Variants in SZT2 observed in about 807,000 individuals in gnomAD.
SZT2 encodes SZT2 subunit of KICSTOR complex.
In SZT2, 216 loss-of-function variants were observed where a neutral mutation model predicts 404.2. The observed-to-expected ratio is 0.53, with a 90% confidence interval of 0.48 to 0.60. SZT2 has a LOEUF of 0.60. Ranked by LOEUF, SZT2 falls within the 20% of genes least tolerant of loss-of-function variation. The probability of loss-of-function intolerance (pLI) is 0.00; values close to 1 mark genes in which losing one functional copy is unlikely to be tolerated. For missense variants in SZT2, 3,857 were observed against 4,459.2 expected, an observed-to-expected ratio of 0.86 and a Z score of 3.85; for synonymous variants, 1,693 against 1,749.9, an observed-to-expected ratio of 0.97 and a Z score of 0.81.
chr1:43,420,821 C>A lies in SZT2; in HGVS notation c.1334C>A (p.Ala445Glu), dbSNP rs1357577737. ...ATGCGCATTGAGTATGTGGCTATGG[C>A]ACCCTGGCCCCTGGAGCCTGAGGGC... ...HNMRIEYVAM[A>E]PWPLEPEGPR... is the part of the protein sequence containing the mutation. The change falls in exon 10 of 72, where the codon GCA (alanine) becomes GAA (glutamate). Residue 445 changes from alanine to glutamate, a missense_variant. By Grantham distance (107) the Ala-to-Glu change is moderately radical. Around this residue, in one of 7 missense-constraint regions of SZT2, gnomAD observed 536 missense variants for 637.4 expected, o/e 0.84. Coordinates refer to ENST00000634258, the MANE Select transcript of SZT2 (RefSeq NM_001365999.1). This position sits in a 1 kb window ranked among gnomAD's most constrained non-coding sequence, Gnocchi z 5.1. The A allele has an allele frequency of 6.3e-7, 1 of 1,598,338 alleles. No individual in the cohort carries two copies. The highest frequency in any genetic ancestry group is 1.3e-5 in the African/African-American group (1 of 74,926).
rs551900440 is a variant in SZT2 at position 43,399,943 on chromosome 1, T to C, written c.28-3234T>C. Among the ~76,000 whole-genome samples, 3 of 151,986 alleles carry C rather than the reference T, an allele frequency of 2.0e-5. No homozygotes were observed. In the South Asian group the frequency reaches 6.2e-4, roughly 32 times the overall value. On this transcript the variant is annotated intron_variant, in intron 1 of 71. Transcript: ENST00000634258. ...GGTGTAATTTCATTTTATTATTATT[T>C]TTATTTATTTTTTGAGACAGAATCT...
chr1:43,444,774 C>T (rs982232639), intron 62 of SZT2, among the ~76,000 whole-genome samples: 1 of 152,200 alleles, frequency 6.6e-6, no homozygotes, highest in Admixed American at 6.5e-5. Context: ...CTGCCCTTTC[C>T]CAGTGGCTGT....
rs761791008 is a variant in SZT2 at position 43,439,587 on chromosome 1, C to G, written c.6878-18C>G. The stretch of plus-strand genomic sequence containing the variant: ...CTGCAAGTCCCAGAGCTGAGCCTTC[C>G]TATGGATTTCTACCCAGGGGTTGCC... On this transcript the variant is annotated intron_variant, in intron 49 of 71. Transcript: ENST00000634258. The surrounding 1 kb of genome is among the most constrained non-coding windows in gnomAD (Gnocchi z 4.2). 1.2e-6 allele frequency: 2 copies of G among 1,613,702 alleles called. No individual in the cohort carries two copies. The highest frequency in any genetic ancestry group is 3.3e-5 in the Admixed American group (2 of 59,964).
In SZT2 at chr1:43,453,309, G is replaced by T; in HGVS notation, c.*2829G>T. ...TGGGCTCAGACTTCTGAGCGTCTCA[G>T]ATCTGGCGTCCTCGACTCCCTGAAC... On this transcript the variant is annotated 3_prime_UTR_variant, in exon 72 of 72. Coordinates refer to ENST00000634258, the MANE Select transcript of SZT2 (RefSeq NM_001365999.1). 2.1e-6 allele frequency: 2 copies of T among 949,658 alleles called. No individual in the cohort carries two copies. The highest frequency in any genetic ancestry group is 2.4e-5 in the Admixed American group (1 of 41,560). The allele number at this position is 949,658 out of a possible 1,614,324, so 58.8% of individuals were successfully genotyped here.
chr1:43,450,157 C>T lies in SZT2; in HGVS notation c.10141C>T (p.His3381Tyr), dbSNP rs1396371872. The change falls in exon 71 of 72, where the codon CAC (histidine) becomes TAC (tyrosine). Residue 3381 changes from histidine (H) to tyrosine (Y), a missense_variant. Physicochemically the swap from His to Tyr is moderately conservative, Grantham distance 83. This residue lies in a region of SZT2 where 717 missense variants were observed against 868.2 expected (regional missense o/e 0.83). Transcript: ENST00000634258. The surrounding 1 kb of genome is among the most constrained non-coding windows in gnomAD (Gnocchi z 4.3). ...DCFVLVFLDS[H>Y]LGKTSLTVVF... ...CTTTGTGCTAGTGTTTCTGGACTCC[C>T]ACTTAGGAAAGACGGTAAGAACGAG... The T allele has an allele frequency of 6.2e-7, 1 of 1,613,984 alleles. No homozygotes were observed. The highest frequency in any genetic ancestry group is 1.7e-5 in the Admixed American group (1 of 60,006).
At position 43,437,477 on chromosome 1, in the gene SZT2, G is replaced by C; in HGVS notation, c.6259G>C (p.Glu2087Gln). Residue 2087 changes from glutamate to glutamine, a missense_variant, in exon 44 of 72, where the codon GAG (glutamate) becomes CAG (glutamine). Around this residue, in one of 7 missense-constraint regions of SZT2, gnomAD observed 261 missense variants for 372.9 expected, o/e 0.70. Coordinates refer to ENST00000634258, the MANE Select transcript of SZT2 (RefSeq NM_001365999.1). This position sits in a 1 kb window ranked among gnomAD's most constrained non-coding sequence, Gnocchi z 5.3. Reference protein sequence around the residue: ...VNRKNMFVYQERATKAVYYLR... With the variant: ...VNRKNMFVYQQRATKAVYYLR... ...CCGGAAAAACATGTTTGTTTACCAG[G>C]AGCGAGCAACAAAGGCTGTGTACTA... 6.2e-7 allele frequency: 1 copy of C among 1,614,154 alleles called. No individual in the cohort carries two copies. Among genetic ancestry groups the C allele is most frequent in the Non-Finnish European group, 8.5e-7 (1 of 1,180,036 alleles).
chr1:43,422,095 C>T lies in SZT2; in HGVS notation c.1639C>T (p.Gln547Ter). ...TTCCTGTCCTCAGGTGCTCTCCCTC[C>T]AGCCCAGTGGTTCTGACTCATCCCA... ...PGSTTPVLSL[Q>*]PSGSDSSHAQ... The change falls in exon 12 of 72, where the codon CAG becomes TAG. Residue 547 changes from glutamine to a stop codon, truncating the protein, a stop_gained. Transcript: ENST00000634258. LOFTEE classifies it high-confidence loss of function. 6.3e-7 allele frequency: 1 copy of T among 1,595,898 alleles called. No individual in the cohort carries two copies. The highest frequency in any genetic ancestry group is 8.5e-7 in the Non-Finnish European group (1 of 1,177,794).
rs752935310 is a variant in SZT2, at chr1:43,437,365, T to C, written c.6188-41T>C. ...AGAGGGCAGGTGAGCATTGGAAGGA[T>C]CTGGAAAAGGCAGTTTCCTGAGCCC... On this transcript the variant is annotated intron_variant, in intron 43 of 71. Coordinates refer to ENST00000634258, the MANE Select transcript of SZT2 (RefSeq NM_001365999.1). This position sits in a 1 kb window ranked among gnomAD's most constrained non-coding sequence, Gnocchi z 5.3. The C allele has an allele frequency of 6.2e-7, 1 of 1,613,974 alleles. No individual in the cohort carries two copies. The highest frequency in any genetic ancestry group is 8.5e-7 in the Non-Finnish European group (1 of 1,179,962).
chr1:43,428,544 A>G, intron 28 of SZT2, 58 bp downstream of exon 28: 1 of 1,578,950 alleles, frequency 6.3e-7, no homozygotes, highest in Non-Finnish European at 8.6e-7. Context: ...CCCTATAAAC[A>G]AGGACCTTCC....
Position 43,442,422 on chromosome 1 carries a change from C to G in SZT2, c.7975-20C>G. The stretch of plus-strand genomic sequence containing the variant: ...AAGAGGGGTTCCGTGATCTCACTGA[C>G]CCTGACCCCCGACCTCCAGCTACAG... On this transcript the variant is annotated intron_variant, in intron 57 of 71. Coordinates refer to ENST00000634258, the MANE Select transcript of SZT2 (RefSeq NM_001365999.1). The surrounding 1 kb of genome is among the most constrained non-coding windows in gnomAD (Gnocchi z 4.5). 6.2e-7 allele frequency: 1 copy of G among 1,612,124 alleles called. No homozygotes were observed. Among genetic ancestry groups the G allele is most frequent in the Non-Finnish European group, 8.5e-7 (1 of 1,178,736 alleles).
At position 43,442,679 on chromosome 1, in the gene SZT2, A is replaced by G; in HGVS notation, c.8151+61A>G. 2 of 1,538,128 alleles carry G rather than the reference A, an allele frequency of 1.3e-6. No individual in the cohort carries two copies. Among genetic ancestry groups the G allele is most frequent in the East Asian group, 2.3e-5 (1 of 44,196 alleles). On this transcript the variant is annotated intron_variant, in intron 58 of 71. Coordinates refer to ENST00000634258, the MANE Select transcript of SZT2 (RefSeq NM_001365999.1). The surrounding 1 kb of genome is among the most constrained non-coding windows in gnomAD (Gnocchi z 4.5). The stretch of plus-strand genomic sequence containing the variant: ...TACTGAGGGGTCAGTTAAAGGAAAA[A>G]CCAGCTCAGAAGCCAGAAAGATGGG...
rs1233125920 is a variant in SZT2, at chr1:43,420,180, A to G, written c.1118A>G (p.His373Arg). The stretch of plus-strand genomic sequence containing the variant: ...TCTCAGCACCGCCTATTTAATGAGC[A>G]CCTGGTCTCTGCAAGCAGCAACCCT... ...CGSQHRLFNE[H>R]LVSASSNPAL... Residue 373 changes from histidine (H) to arginine (R), a missense_variant, in exon 9 of 72, where the codon CAC (histidine) becomes CGC (arginine). By Grantham distance (29) the His-to-Arg change is conservative. Coordinates refer to ENST00000634258, the MANE Select transcript of SZT2 (RefSeq NM_001365999.1). This position sits in a 1 kb window ranked among gnomAD's most constrained non-coding sequence, Gnocchi z 5.1. 3.8e-6 allele frequency: 6 copies of G among 1,598,298 alleles called. No individual in the cohort carries two copies. The South Asian group carries it at 5.5e-5, about 15-fold the overall frequency.
intron 5 of SZT2, among the ~76,000 whole-genome samples, chr1:43,415,498 T>C (rs561108574): frequency 6.6e-6 from 1 of 152,328 alleles, no homozygotes; most frequent in East Asian, 1.9e-4. Context: ...TATGCGTGGC[T>C]TTGACCTCTA....
chr1:43,405,293 T>A (rs1160261903), intron 4 of SZT2: 4 of 152,338 alleles, frequency 2.6e-5, no homozygotes, highest in Non-Finnish European at 5.9e-5. Flanking sequence ...ATTACAGGCG[T>A]GAGCCACCGT....
Position 43,450,434 on chromosome 1 carries a change from C to CT in SZT2, c.10254dup (p.Val3419CysfsTer28). On this transcript the variant is annotated frameshift_variant, in exon 72 of 72. Coordinates refer to ENST00000634258, the MANE Select transcript of SZT2 (RefSeq NM_001365999.1). LOFTEE classifies it high-confidence loss of function. This position sits in a 1 kb window ranked among gnomAD's most constrained non-coding sequence, Gnocchi z 4.3. Reference sequence around the variant, plus strand: ...GTCTCCACCTACCACCACCTGGAGTCTGTCATCAACACAGCCTGTTTCACC... The same window carrying CT: ...GTCTCCACCTACCACCACCTGGAGTCTTGTCATCAACACAGCCTGTTTCACC... 6.2e-7 allele frequency: 1 copy of CT among 1,614,154 alleles called. No individual in the cohort carries two copies. Among genetic ancestry groups the CT allele is most frequent in the South Asian group, 1.1e-5 (1 of 91,080 alleles).
chr1:43,452,864 C>T lies in SZT2; in HGVS notation c.*2384C>T, dbSNP rs903901568. ...GATCTTAGCCACATCCAGCTCCAAG[C>T]AGACATTCCAGGCCTCCCCATCCCA... On this transcript the variant is annotated 3_prime_UTR_variant, in exon 72 of 72. Coordinates refer to ENST00000634258, the MANE Select transcript of SZT2 (RefSeq NM_001365999.1). The T allele has an allele frequency of 1.3e-6, 2 of 1,565,716 alleles. No individual in the cohort carries two copies. The highest frequency in any genetic ancestry group is 2.4e-5 in the South Asian group (2 of 84,922).
chr1:43,431,442 A>G lies in SZT2; in HGVS notation c.5025-18A>G, dbSNP rs779210622. On this transcript the variant is annotated intron_variant, in intron 34 of 71. Coordinates refer to ENST00000634258, the MANE Select transcript of SZT2 (RefSeq NM_001365999.1). ...TTCATTTTCTGGAAACCAATATCTA[A>G]ACCTTTCTTCCAATTAGGCACCCAG... 3.7e-6 allele frequency: 6 copies of G among 1,613,850 alleles called. No individual in the cohort carries two copies. In the African/African-American group the frequency reaches 8.0e-5, roughly 22 times the overall value.
At position 43,451,598 on chromosome 1, in the gene SZT2, G is replaced by A. The variant is rs1656430884; in HGVS notation, c.*1118G>A. 1.9e-6 allele frequency: 3 copies of A among 1,613,870 alleles called. No homozygotes were observed. The highest frequency in any genetic ancestry group is 1.3e-5 in the African/African-American group (1 of 75,020). ...TCCAGGCTCCTGCCAGGGCCTGAAG[G>A]ACAGATGTGGGGATTGAAAGGGTGG... On this transcript the variant is annotated 3_prime_UTR_variant, in exon 72 of 72. Transcript: ENST00000634258.
rs1570703878 is a variant in SZT2 at position 43,439,305 on chromosome 1, A to G, written c.6793-53A>G. 1 of 1,599,034 alleles carries G rather than the reference A, an allele frequency of 6.3e-7. No homozygotes were observed. The highest frequency in any genetic ancestry group is 2.2e-5 in the East Asian group (1 of 44,786). On this transcript the variant is annotated intron_variant, in intron 48 of 71. Coordinates refer to ENST00000634258, the MANE Select transcript of SZT2 (RefSeq NM_001365999.1). The surrounding 1 kb of genome is among the most constrained non-coding windows in gnomAD (Gnocchi z 4.2). ...TCCCCACTGTGGGCACCCATCCCCGAGGGTTTTGTCCATTTGCTTGCTCTT... is the reference window on the plus strand; with the variant it reads ...TCCCCACTGTGGGCACCCATCCCCGGGGGTTTTGTCCATTTGCTTGCTCTT...
Sources: gnomAD v4.1 joint callset for allele counts (sites outside exome capture counted in the v4.1 genomes callset) on GRCh38, gnomAD v4.1.1 for gene constraint, gnomAD v4.1.1 regional missense constraint, Gnocchi (gnomAD v3.1) non-coding constraint, MANE v1.5 for transcripts, NCBI Gene and HGNC (gene_info 2026-07-23, HGNC 2026-07-21) for gene names.